Variants in MRAP2 observed in about 807,000 individuals in gnomAD.
MRAP2 encodes melanocortin-2 receptor accessory protein 2.
A neutral mutation model predicts 17.4 loss-of-function variants in MRAP2; 20 were observed. That is an observed-to-expected ratio of 1.15 (90% CI 0.81 to 1.67). The LOEUF (loss-of-function observed/expected upper bound fraction) is 1.67, where lower values mean the gene tolerates loss of function less well. MRAP2 is among the 40% of genes most tolerant of loss of function. The pLI is 0.00. For missense variants in MRAP2, 238 were observed against 240.0 expected (o/e 0.99, Z 0.05); for synonymous variants, 96 against 88.4 (o/e 1.09, Z -0.48).
intron 3 of MRAP2, among the ~76,000 whole-genome samples, chr6:84,082,635 G>T (rs12204547): frequency 1.3e-3 from 201 of 152,218 alleles, no homozygotes; most frequent in Middle Eastern, 3.4e-3. Flanking sequence ...GTAGAGAAGG[G>T]CTTTTGCCAT....
At chr6:84,068,782 T>C in intron 3 of MRAP2, among the ~76,000 whole-genome samples, 1 of 138,100 alleles carries the variant, frequency 7.2e-6, no homozygotes, top group South Asian at 2.3e-4. Context: ...GTTTGCTGAA[T>C]TCTTTTTTTT....
At chr6:84,085,609 C>T in intron 3 of MRAP2, among the ~76,000 whole-genome samples, 1 of 152,176 alleles carries the variant, frequency 6.6e-6, no homozygotes, top group South Asian at 2.1e-4. Flanking sequence ...AGAGCCAAAT[C>T]ATTTACACAC....
chr6:84,100,793 C>T, the MRAP2 span, among the ~76,000 whole-genome samples: 1 of 152,074 alleles, frequency 6.6e-6, no homozygotes, highest in Non-Finnish European at 1.5e-5. Context: ...CACAGTAAAC[C>T]TTTCAAGATC....
chr6:84,092,769 C>T (rs2099501982), downstream of MRAP2, among the ~76,000 whole-genome samples: 1 of 151,888 alleles, frequency 6.6e-6, no homozygotes, highest in South Asian at 2.1e-4. Context: ...TTTCGCATCC[C>T]AAGAATACTG....
In MRAP2 at chr6:84,064,551, C is replaced by G. The variant is rs747769343; in HGVS notation, c.227+1559C>G. On this transcript the variant is annotated intron_variant, in intron 3 of 3. Transcript: ENST00000257776. The stretch of plus-strand genomic sequence containing the variant: ...CACCCAGGCTGGAGTGCAGTGGCGC[C>G]ATCTTGGCTCACTGCAAGCTCCGCC... 9.5e-4 allele frequency among the ~76,000 whole-genome samples: 145 copies of G among 152,134 alleles called. 2 individuals are homozygous for G. The highest frequency in any genetic ancestry group is 1.2e-3 in the South Asian group (6 of 4,824).
At chr6:84,108,326 C>A in the MRAP2 span, among the ~76,000 whole-genome samples, 2 of 152,250 alleles carry the variant, frequency 1.3e-5, no homozygotes, top group South Asian at 4.1e-4. Context: ...TTCTCCACAA[C>A]CTTGCCAGCA....
At chr6:84,146,001 T>C in the MRAP2 span, among the ~76,000 whole-genome samples, 1 of 152,112 alleles carries the variant, frequency 6.6e-6, no homozygotes, top group Admixed American at 6.6e-5. Context: ...ACCTGCAATA[T>C]CTCCTGAAAT....
chr6:84,084,800 G>A (rs1294364571), intron 3 of MRAP2, among the ~76,000 whole-genome samples: 1 of 151,976 alleles, frequency 6.6e-6, no homozygotes, highest in Admixed American at 6.6e-5. Context: ...AAGCCATGTG[G>A]CCAGCTGGAG....
intron 3 of MRAP2, among the ~76,000 whole-genome samples, chr6:84,088,882 C>T (rs2099501126): frequency 6.6e-6 from 1 of 152,124 alleles, no homozygotes; most frequent in Non-Finnish European, 1.5e-5. Flanking sequence ...TGGGGGCCCT[C>T]ATCTTGAAGC....
chr6:84,086,855 A>T (rs1311697287), intron 3 of MRAP2, among the ~76,000 whole-genome samples: 11 of 152,178 alleles, frequency 7.2e-5, no homozygotes, highest in African/African-American at 2.7e-4. Context: ...ATGGACTTTA[A>T]TTCCAGGAAA....
the MRAP2 span, among the ~76,000 whole-genome samples, chr6:84,117,259 G>A: frequency 6.6e-6 from 1 of 152,176 alleles, no homozygotes; most frequent in Non-Finnish European, 1.5e-5. Context: ...CTGAGCACAT[G>A]TGATCCGTCC....
the MRAP2 span, among the ~76,000 whole-genome samples, chr6:84,137,327 G>T: frequency 6.6e-6 from 1 of 152,036 alleles, no homozygotes; most frequent in Non-Finnish European, 1.5e-5. Flanking sequence ...GCCTTACAAC[G>T]GCAAGTCAAG....
intron 3 of MRAP2, among the ~76,000 whole-genome samples, chr6:84,078,228 A>C (rs2099498088): frequency 6.6e-6 from 1 of 152,236 alleles, no homozygotes; most frequent in Admixed American, 6.5e-5. Flanking sequence ...AAATATATGC[A>C]ATACACATAA....
chr6:84,132,850 C>G, the MRAP2 span, among the ~76,000 whole-genome samples: 1 of 152,122 alleles, frequency 6.6e-6, no homozygotes, highest in Admixed American at 6.5e-5. Flanking sequence ...CTTCTGTCAA[C>G]TCGTCAAAGT....
chr6:84,105,978 C>G, the MRAP2 span, among the ~76,000 whole-genome samples: 6 of 152,018 alleles, frequency 3.9e-5, no homozygotes, highest in African/African-American at 1.5e-4. Flanking sequence ...ATTCCTAGAC[C>G]TATATATTTT....
chr6:84,057,566 G>A (rs2099492003), intron 2 of MRAP2, among the ~76,000 whole-genome samples: 1 of 152,048 alleles, frequency 6.6e-6, no homozygotes, highest in African/African-American at 2.4e-5. Flanking sequence ...TATCAGAAGT[G>A]GACATGTATC....
the MRAP2 span, among the ~76,000 whole-genome samples, chr6:84,096,075 C>T: frequency 7.2e-5 from 11 of 152,118 alleles, no homozygotes; most frequent in Admixed American, 5.2e-4. Flanking sequence ...AGGATCTTTT[C>T]CACCTGTTCT....
At chr6:84,061,096 A>G (rs1294665787) in intron 2 of MRAP2, among the ~76,000 whole-genome samples, 7 of 152,146 alleles carry the variant, frequency 4.6e-5, no homozygotes, top group Non-Finnish European at 8.8e-5. Context: ...TTAGTTTTTC[A>G]GAGTGCTGAA....
intron 3 of MRAP2, among the ~76,000 whole-genome samples, chr6:84,080,808 T>C (rs765347120): frequency 3.3e-5 from 5 of 152,190 alleles, no homozygotes; most frequent in Admixed American, 1.3e-4. Flanking sequence ...CCTAACAGTT[T>C]TGAGGCATGA....
Sources: allele counts gnomAD v4.1 joint callset (sites outside exome capture counted in the v4.1 genomes callset), GRCh38; gene constraint gnomAD v4.1.1; transcripts MANE v1.5; gene names NCBI Gene and HGNC (gene_info 2026-07-23, HGNC 2026-07-21).